RBFOX1: variants seen among roughly 807,000 people sequenced by gnomAD.
RBFOX1 encodes RNA binding protein fox-1 homolog 1.
A neutral mutation model predicts 57.7 loss-of-function variants in RBFOX1; 8 were observed. The observed-to-expected ratio is 0.14, with a 90% CI of 0.08 to 0.25. The LOEUF (loss-of-function observed/expected upper bound fraction) is 0.25, where lower values mean the gene tolerates loss of function less well. Ranked by LOEUF, RBFOX1 falls within the 10% of genes least tolerant of loss-of-function variation. The pLI is 1.00. For synonymous variants in RBFOX1, 326 were observed against 222.4 expected (o/e 1.47, Z -4.15); for missense variants, 611 against 548.5 (o/e 1.11, Z -1.14).
At chr16:5,920,716 G>A (rs766244655) in intron 4 of RBFOX1, among the ~76,000 whole-genome samples, 55 of 152,180 alleles carry the variant, frequency 3.6e-4, no homozygotes, top group Non-Finnish European at 6.6e-4. Flanking sequence ...ATGCAGGGCC[G>A]TCCCTAGACA....
At chr16:7,615,851 A>C (rs2058351885) in intron 10 of RBFOX1, among the ~76,000 whole-genome samples, 1 of 152,180 alleles carries the variant, frequency 6.6e-6, no homozygotes, top group South Asian at 2.1e-4. Context: ...CCAAAATGTC[A>C]ATAGTGCTGG....
chr16:5,814,193 G>A (rs2055537132), intron 3 of RBFOX1, among the ~76,000 whole-genome samples: 1 of 152,080 alleles, frequency 6.6e-6, no homozygotes, highest in Non-Finnish European at 1.5e-5. Context: ...ACATCCCTTG[G>A]TCTGCATCCG....
At chr16:5,639,456 T>C (rs2048790097) in intron 3 of RBFOX1, among the ~76,000 whole-genome samples, 1 of 152,140 alleles carries the variant, frequency 6.6e-6, no homozygotes, top group African/African-American at 2.4e-5. Context: ...AATCAAGACT[T>C]CTTTTGGAAA....
chr16:7,156,771 A>T (rs911447186), intron 4 of RBFOX1, among the ~76,000 whole-genome samples: 1 of 152,120 alleles, frequency 6.6e-6, no homozygotes, highest in African/African-American at 2.4e-5. Flanking sequence ...TTCTACTTCA[A>T]ACACTGCATC....
chr16:6,150,665 T>C (rs746217547), intron 1 of RBFOX1, among the ~76,000 whole-genome samples: 9 of 152,184 alleles, frequency 5.9e-5, no homozygotes, highest in Non-Finnish European at 1.2e-4. Flanking sequence ...ATTATCTCAT[T>C]GCTGGTCCTA....
chr16:7,279,681 C>T (rs187415274), intron 4 of RBFOX1, among the ~76,000 whole-genome samples: 2 of 152,230 alleles, frequency 1.3e-5, no homozygotes, highest in African/African-American at 4.8e-5. Flanking sequence ...TCACATCATT[C>T]TATGAACTAG....
chr16:6,834,878 G>A (rs112768286), intron 3 of RBFOX1, among the ~76,000 whole-genome samples: 110 of 147,328 alleles, frequency 7.5e-4, no homozygotes, highest in Admixed American at 2.2e-3. Context: ...AACTTCAAAG[G>A]CCTGACTTCT....
intron 1 of RBFOX1, among the ~76,000 whole-genome samples, chr16:6,074,170 G>C (rs1243069459): frequency 6.6e-6 from 1 of 151,970 alleles, no homozygotes; most frequent in Non-Finnish European, 1.5e-5. Flanking sequence ...TCATGGTCTT[G>C]ACCTTCTGAC....
At chr16:6,458,561 C>T (rs1392093227) in intron 2 of RBFOX1, among the ~76,000 whole-genome samples, 1 of 152,188 alleles carries the variant, frequency 6.6e-6, no homozygotes, top group African/African-American at 2.4e-5. Context: ...ACAAACCAGG[C>T]ATCAACCATT....
intron 3 of RBFOX1, among the ~76,000 whole-genome samples, chr16:6,810,025 A>AC (rs1246753459): frequency 1.6e-5 from 2 of 128,554 alleles, no homozygotes; most frequent in Admixed American, 1.6e-4. Context: ...CTTCTCTCTC[A>AC]CCTTTTTTTT....
intron 1 of RBFOX1, among the ~76,000 whole-genome samples, chr16:6,173,746 G>A (rs1329265173): frequency 6.6e-6 from 1 of 151,820 alleles, no homozygotes; most frequent in Non-Finnish European, 1.5e-5. Context: ...AGTAGCTGGG[G>A]CTATAGGCGT....
chr16:6,069,356 C>G (rs1473601670), intron 1 of RBFOX1, among the ~76,000 whole-genome samples: 4 of 146,816 alleles, frequency 2.7e-5, no homozygotes, highest in African/African-American at 1.0e-4. Flanking sequence ...CGAGATTGTG[C>G]CAGTGCACTC....
chr16:6,497,791 A>G (rs1390119415), intron 2 of RBFOX1, among the ~76,000 whole-genome samples: 1 of 151,906 alleles, frequency 6.6e-6, no homozygotes, highest in East Asian at 1.9e-4. Context: ...TCCTGACCTC[A>G]AGTGATCCAC....
intron 2 of RBFOX1, among the ~76,000 whole-genome samples, chr16:6,469,010 C>T (rs1238732615): frequency 6.6e-6 from 1 of 151,956 alleles, no homozygotes; most frequent in Non-Finnish European, 1.5e-5. Flanking sequence ...ACCAGAAGCC[C>T]CAGGCATTGG....
At chr16:7,630,470 G>A in intron 10 of RBFOX1, 133 bp from the exon 11 acceptor site, 3 of 1,516,878 alleles carry the variant, frequency 2.0e-6, no homozygotes, top group Non-Finnish European at 2.6e-6. Flanking sequence ...GGCTTTGTTG[G>A]GTACCCTTGT....
chr16:5,933,263 T>C (rs1372745645), intron 4 of RBFOX1, among the ~76,000 whole-genome samples: 1 of 152,192 alleles, frequency 6.6e-6, no homozygotes, highest in Non-Finnish European at 1.5e-5. Context: ...GTTGCCAGGC[T>C]CTTGTTATTT....
At chr16:5,863,163 C>G (rs1484732214) in intron 3 of RBFOX1, among the ~76,000 whole-genome samples, 3 of 152,170 alleles carry the variant, frequency 2.0e-5, no homozygotes, top group African/African-American at 7.2e-5. Context: ...CACTGAGTTC[C>G]TAGCACAAGT....
intron 4 of RBFOX1, among the ~76,000 whole-genome samples, chr16:7,225,850 A>G (rs970877736): frequency 5.4e-5 from 8 of 148,698 alleles, no homozygotes; most frequent in African/African-American, 2.0e-4. Flanking sequence ...ATATGTATAC[A>G]TATGTAACAA....
At chr16:5,343,101 T>C (rs1236496641) in intron 1 of RBFOX1, among the ~76,000 whole-genome samples, 1 of 152,136 alleles carries the variant, frequency 6.6e-6, no homozygotes, top group African/African-American at 2.4e-5. Flanking sequence ...CTTAGGACTT[T>C]TGTTCTTTGG....
Sources: gnomAD v4.1 joint callset for allele counts (sites outside exome capture counted in the v4.1 genomes callset) on GRCh38, gnomAD v4.1.1 for gene constraint, MANE v1.5 for transcripts, NCBI Gene and HGNC (gene_info 2026-07-23, HGNC 2026-07-21) for gene names.